The following PLAG1 variants were observed in gnomAD, a reference collection of about 807,000 sequenced individuals.
PLAG1 encodes PLAG1 zinc finger.
A neutral mutation model predicts 35.5 loss-of-function variants in PLAG1; 7 were observed. That is an observed-to-expected ratio of 0.20 (90% confidence interval 0.11 to 0.37). The LOEUF is 0.37. PLAG1 is among the 10% of genes least tolerant of loss of function. The pLI, the probability that PLAG1 is intolerant of heterozygous loss-of-function variation, is 1.00. For synonymous variants in PLAG1, 229 were observed against 225.4 expected, an observed-to-expected ratio of 1.02 and a Z score of -0.14; for missense variants, 454 against 602.8, an observed-to-expected ratio of 0.75 and a Z score of 2.58.
intron 2 of PLAG1, chr8:56,177,945 G>A (rs1811755254): frequency 7.0e-6 from 4 of 574,258 alleles, no homozygotes; most frequent in Non-Finnish European, 2.2e-6. Context: ...CAAAAGCCAG[G>A]GAGTCTCAGG....
chr8:56,199,248 GAA>G (rs1056399356), intron 1 of PLAG1, among the ~76,000 whole-genome samples: 3 of 152,212 alleles, frequency 2.0e-5, no homozygotes, highest in African/African-American at 7.2e-5. Flanking sequence ...AGCAAAGCCA[GAA>G]AAGTCAGAGA....
chr8:56,181,509 T>C (rs974782849), intron 1 of PLAG1, among the ~76,000 whole-genome samples: 2 of 150,102 alleles, frequency 1.3e-5, no homozygotes, highest in Non-Finnish European at 3.0e-5. Flanking sequence ...TAAGTGGGAG[T>C]TGAACAATAA....
chr8:56,168,738 T>A (rs1025207593), intron 3 of PLAG1, among the ~76,000 whole-genome samples: 1 of 152,298 alleles, frequency 6.6e-6, no homozygotes, highest in African/African-American at 2.4e-5. Flanking sequence ...TCAGAGAACA[T>A]AAAATCTGAC....
chr8:56,179,630 T>A (rs1811807378), intron 1 of PLAG1, 117 bp from the exon 2 acceptor site: 1 of 153,832 alleles, frequency 6.5e-6, no homozygotes, highest in Non-Finnish European at 1.4e-5. Flanking sequence ...TTGCACTTTA[T>A]TGAAAAATGT....
Position 56,165,991 on chromosome 8 carries a change from GAA to G in PLAG1, c.*250_*251del, listed in dbSNP as rs57439758. 2 of 255,452 alleles carry G rather than the reference GAA, an allele frequency of 7.8e-6. No individual in the cohort carries two copies. Among genetic ancestry groups the G allele is most frequent in the African/African-American group, 2.2e-5 (1 of 44,830 alleles). The allele number at this position is 255,452 out of a possible 1,614,324, so 15.8% of individuals were successfully genotyped here. ...CTACTAATAATGGCTTTCCTATATG[GAA>G]AAAAAAAAGTCTTAAAATGTGACAA... On this transcript the variant is annotated 3_prime_UTR_variant, in exon 5 of 5. Coordinates refer to ENST00000316981, the MANE Select transcript of PLAG1 (RefSeq NM_002655.3).
At position 56,162,677 on chromosome 8, in the gene PLAG1, G is replaced by T; in HGVS notation, c.*3566C>A. ...AAGCTCTATTTTTTAAAAAAATATT[G>T]GCCTATAATATGTGTATTGCTCACT... On this transcript the variant is annotated 3_prime_UTR_variant, in exon 5 of 5. Transcript: ENST00000316981. 4.7e-6 allele frequency: 1 copy of T among 210,612 alleles called. No individual in the cohort carries two copies. The highest frequency in any genetic ancestry group is 9.6e-6 in the Non-Finnish European group (1 of 103,688). 13.0% of individuals were successfully genotyped at this position (210,612 alleles called of 1,614,324 possible). A position where few individuals can be genotyped will look rare whatever the true frequency, so the allele number is the denominator to read the frequency against.
intron 1 of PLAG1, among the ~76,000 whole-genome samples, chr8:56,179,804 T>TTTTC (rs10691585): frequency 0.96 from 145,843 of 152,096 alleles, 69,994 homozygotes; most frequent in East Asian, 1. Flanking sequence ...CTGCTGCTTA[T>TTTTC]TTTATTTATG....
At chr8:56,186,494 C>G (rs1270181368) in intron 1 of PLAG1, among the ~76,000 whole-genome samples, 1 of 151,940 alleles carries the variant, frequency 6.6e-6, no homozygotes, top group Non-Finnish European at 1.5e-5. Context: ...ACCTCAGCCT[C>G]CTGAGTAGGT....
intron 1 of PLAG1, among the ~76,000 whole-genome samples, chr8:56,182,584 T>C (rs1396669990): frequency 2.0e-5 from 3 of 151,604 alleles, no homozygotes; most frequent in Non-Finnish European, 4.4e-5. Flanking sequence ...GCAAGAGAAG[T>C]TATTGGGTGG....
At chr8:56,175,591 T>C (rs1472098003) in intron 2 of PLAG1, among the ~76,000 whole-genome samples, 2 of 152,252 alleles carry the variant, frequency 1.3e-5, no homozygotes, top group Non-Finnish European at 2.9e-5. Flanking sequence ...TTACTGCGTT[T>C]TATATTTTTA....
At chr8:56,176,949 A>G (rs1035042303) in intron 2 of PLAG1, among the ~76,000 whole-genome samples, 2 of 152,234 alleles carry the variant, frequency 1.3e-5, no homozygotes, top group African/African-American at 4.8e-5. Context: ...AATACAGAAT[A>G]ATCCAGATTT....
rs188096151 is a variant in PLAG1, at chr8:56,197,343, C to T, written c.-322+13778G>A. On this transcript the variant is annotated intron_variant, in intron 1 of 4. Transcript: ENST00000316981. ...CTCCTGCCCATCCTGGAATCTGTCT[C>T]TCCCACCTCCACCTTCTGGATGTGT... 6.0e-4 allele frequency among the ~76,000 whole-genome samples: 91 copies of T among 152,304 alleles called. 1 individual carries two copies. The highest frequency in any genetic ancestry group is 2.1e-3 in the African/African-American group (88 of 41,552).
At chr8:56,210,846 C>T (rs2129237673) in intron 1 of PLAG1, among the ~76,000 whole-genome samples, 1 of 151,214 alleles carries the variant, frequency 6.6e-6, no homozygotes, top group African/African-American at 2.4e-5. Context: ...TTTTTTCCCA[C>T]CGACCTCACC....
At position 56,194,623 on chromosome 8, in the gene PLAG1, C is replaced by CGTGTGTGTGTTT. The variant is rs1304624502; in HGVS notation, c.-321-15122_-321-15111dup. ...TGTATGTGTGTTTGTGTGTGTGTGGCGTGTGTGTGTTTGTGTGTGTGTGGC... is the reference window on the plus strand; with the variant it reads ...TGTATGTGTGTTTGTGTGTGTGTGGCGTGTGTGTGTTTGTGTGTGTGTTTGTGTGTGTGTGGC... On this transcript the variant is annotated intron_variant, in intron 1 of 4. Coordinates refer to ENST00000316981, the MANE Select transcript of PLAG1 (RefSeq NM_002655.3). Among the ~76,000 whole-genome samples, 7 of 150,518 alleles carry CGTGTGTGTGTTT rather than the reference C, an allele frequency of 4.7e-5. No individual in the cohort carries two copies. The South Asian group carries it at 1.5e-3, about 32-fold the overall frequency.
intron 1 of PLAG1, among the ~76,000 whole-genome samples, chr8:56,202,594 T>C (rs1471612374): frequency 6.6e-6 from 1 of 152,236 alleles, no homozygotes; most frequent in Non-Finnish European, 1.5e-5. Flanking sequence ...ATGTGATCAA[T>C]TGCACTTCTC....
chr8:56,163,210 CTTTT>C lies in PLAG1; in HGVS notation c.*3029_*3032del, dbSNP rs34779318. On this transcript the variant is annotated 3_prime_UTR_variant, in exon 5 of 5. Transcript: ENST00000316981. ...AACTACTTTTATTTAATGTTAATCCCTTTTTTTTTTTTTTTTTTTTTTTTTTAAC... is the reference window on the plus strand; with the variant it reads ...AACTACTTTTATTTAATGTTAATCCCTTTTTTTTTTTTTTTTTTTTTTAAC... 2.3e-3 allele frequency: 219 copies of C among 97,188 alleles called. No individual in the cohort carries two copies. The highest frequency in any genetic ancestry group is 0.016 in the East Asian group (74 of 4,492). The allele number at this position is 97,188 out of a possible 1,614,324, so 6.0% of individuals were successfully genotyped here. A position where few individuals can be genotyped will look rare whatever the true frequency, so the allele number is the denominator to read the frequency against.
chr8:56,187,023 C>T (rs990208007), intron 1 of PLAG1, among the ~76,000 whole-genome samples: 2 of 152,148 alleles, frequency 1.3e-5, no homozygotes, highest in African/African-American at 4.8e-5. Context: ...GCCTGACCTT[C>T]CTAAACTATA....
In PLAG1 at chr8:56,167,314, G is replaced by A. The variant is rs777313717; in HGVS notation, c.432C>T (p.Ala144=). 20 of 1,613,844 alleles carry A rather than the reference G, an allele frequency of 1.2e-5. No individual in the cohort carries two copies. In the Admixed American group the frequency reaches 1.5e-4, roughly 12 times the overall value. ...TACAGGTGAGGTCACCACTTGTTGC[G>A]GCATGCAAGGCCAAGTGACGTTTAA... The part of the protein sequence containing the change: ...LGFKRHLALH[A]ATSGDLTCKV... The change falls in exon 5 of 5, where the codon GCC becomes GCT. Residue 144 remains alanine, a synonymous_variant. Coordinates refer to ENST00000316981, the MANE Select transcript of PLAG1 (RefSeq NM_002655.3). This position sits in a 1 kb window ranked among gnomAD's most constrained non-coding sequence, Gnocchi z 5.9.
chr8:56,162,733 T>A lies in PLAG1; in HGVS notation c.*3510A>T, dbSNP rs185029334. 7.2e-4 allele frequency: 152 copies of A among 210,080 alleles called. No homozygotes were observed. Among genetic ancestry groups the A allele is most frequent in the Non-Finnish European group, 1.3e-3 (129 of 103,028 alleles). 13.0% of individuals were successfully genotyped at this position (210,080 alleles called of 1,614,324 possible). ...AACGATCCTGAAAATATGTACTCTT[T>A]AACATTCATTATTAGCTTAATAAAG... On this transcript the variant is annotated 3_prime_UTR_variant, in exon 5 of 5. Transcript: ENST00000316981.
Sources: gnomAD v4.1 joint callset for allele counts (sites outside exome capture counted in the v4.1 genomes callset) on GRCh38, gnomAD v4.1.1 for gene constraint, Gnocchi (gnomAD v3.1) non-coding constraint, MANE v1.5 for transcripts, NCBI Gene and HGNC (gene_info 2026-07-23, HGNC 2026-07-21) for gene names.